IFT140: variants seen among roughly 807,000 people sequenced by gnomAD.
The protein encoded by IFT140 is intraflagellar transport 140.
Under a neutral mutation model 164.6 loss-of-function variants are expected in IFT140, and 133 were observed. The observed-to-expected ratio is 0.81, with a 90% CI of 0.70 to 0.93. The LOEUF is 0.93. Among genes scored for constraint, IFT140 ranks in the 40% least tolerant of loss-of-function variants. The probability of loss-of-function intolerance (pLI) is 0.00; values close to 1 mark genes in which losing one functional copy is unlikely to be tolerated. For missense variants in IFT140, 2,045 were observed against 1,972.3 expected (o/e 1.04, Z -0.70); for synonymous variants, 860 against 817.3 (o/e 1.05, Z -0.89).
intron 18 of IFT140, among the ~76,000 whole-genome samples, chr16:1,559,752 T>C (rs760693090): frequency 6.6e-5 from 10 of 152,162 alleles, no homozygotes; most frequent in African/African-American, 7.2e-5. Flanking sequence ...AGGCTTCCAA[T>C]AGACCTCGGT....
At chr16:1,515,491 C>T (rs2040310894) in intron 30 of IFT140, among the ~76,000 whole-genome samples, 1 of 152,162 alleles carries the variant, frequency 6.6e-6, no homozygotes, top group African/African-American at 2.4e-5. Flanking sequence ...ACTGCAGACT[C>T]AACCTCCTGG....
chr16:1,518,134 A>T, intron 30 of IFT140, 82 bp downstream of exon 30: 1 of 1,412,008 alleles, frequency 7.1e-7, no homozygotes, highest in Non-Finnish European at 9.7e-7. Context: ...CGCCACACAC[A>T]GCCTCAGTTT....
intron 29 of IFT140, 147 bp from the exon 30 acceptor site, chr16:1,518,504 A>G: frequency 1.3e-6 from 1 of 747,058 alleles, no homozygotes; most frequent in South Asian, 2.1e-5. Flanking sequence ...TAATTCCTTA[A>G]TTTGTTCATT....
chr16:1,560,659 G>A (rs1567371454), intron 18 of IFT140, among the ~76,000 whole-genome samples: 2 of 152,168 alleles, frequency 1.3e-5, no homozygotes, highest in African/African-American at 2.4e-5. Flanking sequence ...TCCCCTTCTC[G>A]GAATGTCCCT....
rs34634425 is a variant in IFT140 at position 1,571,097 on chromosome 16, CTT to C, written c.1652+308_1652+309del. On this transcript the variant is annotated intron_variant, in intron 14 of 30. Transcript: ENST00000426508. ...ACATTTGTATACATTAAGGTTCACA[CTT>C]TGCACCATAAAGCGCTATGATTTCC... 6.3e-3 allele frequency among the ~76,000 whole-genome samples: 960 copies of C among 152,310 alleles called. 10 individuals are homozygous for C. The highest frequency in any genetic ancestry group is 0.021 in the African/African-American group (887 of 41,568).
intron 1 of IFT140, among the ~76,000 whole-genome samples, chr16:1,611,362 G>A (rs1192887268): frequency 6.6e-6 from 1 of 152,128 alleles, no homozygotes; most frequent in East Asian, 1.9e-4. Context: ...AAATTAGCCG[G>A]GCGCGGTGGC....
At chr16:1,586,304 C>G in intron 9 of IFT140, 29 bp from the exon 10 acceptor site, 1 of 1,591,348 alleles carries the variant, frequency 6.3e-7, no homozygotes, top group Non-Finnish European at 8.5e-7. Context: ...TGCATGTGAA[C>G]AGAGTTAAAA....
intron 12 of IFT140, 29 bp from the exon 13 acceptor site, chr16:1,580,879 C>T (rs115098003): frequency 1.7e-5 from 25 of 1,494,402 alleles, no homozygotes; most frequent in African/African-American, 1.7e-4. Context: ...ATCAGGATGG[C>T]GGCCGCTCAT....
At position 1,547,324 on chromosome 16, in the gene IFT140, C is replaced by T. The variant is rs539483877; in HGVS notation, c.2399+10611G>A. ...AGCTGACTTGTAGAAGTCCGCTCTT[C>T]GTGTTTTATTCTGAACTGCCTTCAA... On this transcript the variant is annotated intron_variant, in intron 19 of 30. Transcript: ENST00000426508. Among the ~76,000 whole-genome samples the T allele has an allele frequency of 2.0e-4, 30 of 152,254 alleles. 1 individual carries two copies. The South Asian group carries it at 3.1e-3, about 16-fold the overall frequency.
At chr16:1,541,508 C>T (rs780845248) in intron 19 of IFT140, 56 of 985,278 alleles carry the variant, frequency 5.7e-5, no homozygotes, top group Non-Finnish European at 6.5e-5. Context: ...GCAGCGCCCT[C>T]GTCTTGGATG....
At chr16:1,511,422 A>G (rs1458599165) in intron 30 of IFT140, among the ~76,000 whole-genome samples, 1 of 152,188 alleles carries the variant, frequency 6.6e-6, no homozygotes, top group East Asian at 1.9e-4. Context: ...AGGGCCCTGG[A>G]AAGTCCCTCA....
At chr16:1,530,459 G>C (rs866049247) in intron 19 of IFT140, among the ~76,000 whole-genome samples, 1 of 152,076 alleles carries the variant, frequency 6.6e-6, no homozygotes, top group African/African-American at 2.4e-5. Context: ...AAAATCTCCC[G>C]ATTGTGCACA....
intron 13 of IFT140, among the ~76,000 whole-genome samples, chr16:1,575,423 T>C (rs2034225646): frequency 1.3e-5 from 2 of 151,838 alleles, no homozygotes; most frequent in South Asian, 4.2e-4. Context: ...GGCATGGTGG[T>C]GCATACCTAT....
At chr16:1,558,252 A>G in intron 18 of IFT140, 118 bp from the exon 19 acceptor site, 1 of 993,692 alleles carries the variant, frequency 1.0e-6, no homozygotes, top group East Asian at 2.5e-5. Context: ...GCAGACAGAC[A>G]GATATTTACC....
rs376818587 is a variant in IFT140, at chr16:1,587,181, A to C, written c.1009+17T>G. The C allele has an allele frequency of 2.6e-6, 4 of 1,515,632 alleles. No individual in the cohort carries two copies. Among genetic ancestry groups the C allele is most frequent in the Non-Finnish European group, 3.7e-6 (4 of 1,091,374 alleles). The allele number at this position is 1,515,632 out of a possible 1,614,324, so 93.9% of individuals were successfully genotyped here. On this transcript the variant is annotated intron_variant, in intron 9 of 30. Coordinates refer to ENST00000426508, the MANE Select transcript of IFT140 (RefSeq NM_014714.4). ...TGGTTGGTTCTGTTTCTCTTGTGCC[A>C]GGCCAGGAAGCCTCACCTTTGACTT...
Position 1,598,982 on chromosome 16 carries a change from C to T in IFT140, c.369+3388G>A, listed in dbSNP as rs1160531655. Among the ~76,000 whole-genome samples the T allele has an allele frequency of 4.3e-5, 6 of 139,594 alleles. No individual in the cohort carries two copies. The East Asian group carries it at 6.5e-4, about 15-fold the overall frequency. 91.6% of individuals were successfully genotyped at this position (139,594 alleles called of 152,430 possible). A position where few individuals can be genotyped will look rare whatever the true frequency, so the allele number is the denominator to read the frequency against. ...CTAGGAAGTGAGGAGCGCCTCTTCC[C>T]AGCCGCCATCACATCTAGGAAGTGA... On this transcript the variant is annotated intron_variant, in intron 4 of 30. Transcript: ENST00000426508.
At chr16:1,536,453 C>T (rs1056138527) in intron 19 of IFT140, among the ~76,000 whole-genome samples, 1 of 152,200 alleles carries the variant, frequency 6.6e-6, no homozygotes, top group South Asian at 2.1e-4. Context: ...ACAATATTTA[C>T]AACATCCTCC....
intron 4 of IFT140, among the ~76,000 whole-genome samples, chr16:1,601,711 G>A (rs191351251): frequency 1.3e-5 from 2 of 152,152 alleles, no homozygotes; most frequent in Non-Finnish European, 2.9e-5. Context: ...TGAAGCAGCA[G>A]GATAGGTGGT....
chr16:1,547,281 C>T (rs1325852199), intron 19 of IFT140, among the ~76,000 whole-genome samples: 2 of 152,196 alleles, frequency 1.3e-5, no homozygotes, highest in African/African-American at 4.8e-5. Context: ...CGTCCCGATG[C>T]CCCGTGACAC....
Sources: allele counts gnomAD v4.1 joint callset (sites outside exome capture counted in the v4.1 genomes callset), GRCh38; gene constraint gnomAD v4.1.1; transcripts MANE v1.5; gene names NCBI Gene and HGNC (gene_info 2026-07-23, HGNC 2026-07-21).